The following IRF2 variants were observed in gnomAD, a reference collection of about 807,000 sequenced individuals.
IRF2 encodes the protein interferon regulatory factor 2.
A neutral mutation model predicts 40.6 loss-of-function variants in IRF2; 15 were observed. That is an observed-to-expected ratio of 0.37 (90% CI 0.25 to 0.57). IRF2 has a LOEUF of 0.57. Among genes scored for constraint, IRF2 ranks in the 20% least tolerant of loss-of-function variants. The pLI is 0.77. For missense variants in IRF2, 317 were observed against 455.7 expected (o/e 0.70, Z 2.77); for synonymous variants, 151 against 165.5 (o/e 0.91, Z 0.67).
At chr4:184,462,723 A>C (rs1739188793) in intron 1 of IRF2, among the ~76,000 whole-genome samples, 1 of 152,228 alleles carries the variant, frequency 6.6e-6, no homozygotes, top group Non-Finnish European at 1.5e-5. Flanking sequence ...AAAACCGAAC[A>C]ATTTTTCACC....
intron 6 of IRF2, among the ~76,000 whole-genome samples, chr4:184,399,345 A>C (rs2149893311): frequency 6.6e-6 from 1 of 152,324 alleles, no homozygotes; most frequent in Non-Finnish European, 1.5e-5. Flanking sequence ...TTTCCAGCTC[A>C]GCAGAATTCC....
chr4:184,440,025 G>C (rs962007508), intron 1 of IRF2, among the ~76,000 whole-genome samples: 1 of 152,178 alleles, frequency 6.6e-6, no homozygotes, highest in South Asian at 2.1e-4. Flanking sequence ...TTCTGAGAAA[G>C]GTCCCCACAA....
At chr4:184,424,478 G>C (rs1737597649) in intron 2 of IRF2, among the ~76,000 whole-genome samples, 1 of 151,738 alleles carries the variant, frequency 6.6e-6, no homozygotes, top group African/African-American at 2.4e-5. Context: ...ATCCATTCAG[G>C]GATTAATGGA....
At chr4:184,401,493 G>T (rs1258179869) in intron 6 of IRF2, among the ~76,000 whole-genome samples, 2 of 152,114 alleles carry the variant, frequency 1.3e-5, no homozygotes, top group Non-Finnish European at 2.9e-5. Context: ...AGGCAGGCAG[G>T]CTATATATGG....
chr4:184,472,913 CAAG>C (rs754067109), intron 1 of IRF2, among the ~76,000 whole-genome samples: 132 of 152,336 alleles, frequency 8.7e-4, no homozygotes, highest in African/African-American at 2.2e-3. Flanking sequence ...TCTTAGGGAA[CAAG>C]GAGGAGAGGG....
intron 2 of IRF2, among the ~76,000 whole-genome samples, chr4:184,428,266 C>T (rs532166362): frequency 6.6e-6 from 1 of 152,134 alleles, no homozygotes; most frequent in South Asian, 2.1e-4. Flanking sequence ...AAACAGAGAA[C>T]ATGGAAAAGG....
At chr4:184,434,397 C>G (rs754795039) in intron 1 of IRF2, among the ~76,000 whole-genome samples, 11 of 152,120 alleles carry the variant, frequency 7.2e-5, no homozygotes, top group Non-Finnish European at 1.6e-4. Flanking sequence ...TACGATGAAT[C>G]ATAATCTGAT....
At chr4:184,425,984 TTG>T (rs1579843637) in intron 2 of IRF2, among the ~76,000 whole-genome samples, 23 of 50,092 alleles carry the variant, frequency 4.6e-4, no homozygotes, top group East Asian at 3.6e-3. Flanking sequence ...CGGTTTTTGT[TTG>T]TTTGTTTGTT....
At chr4:184,462,159 T>C (rs1240938922) in intron 1 of IRF2, among the ~76,000 whole-genome samples, 1 of 152,186 alleles carries the variant, frequency 6.6e-6, no homozygotes, top group Admixed American at 6.5e-5. Flanking sequence ...CAGTTGCAAA[T>C]CCCCAAACCT....
At chr4:184,430,614 C>T (rs1354757321) in intron 1 of IRF2, among the ~76,000 whole-genome samples, 3 of 152,152 alleles carry the variant, frequency 2.0e-5, no homozygotes, top group Non-Finnish European at 4.4e-5. Flanking sequence ...TCATCTTATC[C>T]CTTGCCTTAC....
At chr4:184,398,666 A>AAAT (rs1561084643) in intron 7 of IRF2, among the ~76,000 whole-genome samples, 4 of 147,150 alleles carry the variant, frequency 2.7e-5, no homozygotes, top group South Asian at 2.2e-4. Flanking sequence ...AAAAAAAAAA[A>AAAT]AAATAAATAA....
intron 7 of IRF2, among the ~76,000 whole-genome samples, chr4:184,395,498 A>T (rs1020194077): frequency 6.6e-6 from 1 of 152,296 alleles, no homozygotes; most frequent in East Asian, 1.9e-4. Context: ...ATCATGAAAA[A>T]CAGGCAAATG....
At position 184,387,963 on chromosome 4, in the gene IRF2, T is replaced by A. The variant is rs1355222786; in HGVS notation, c.*795A>T. The A allele has an allele frequency of 6.6e-6, 1 of 152,634 alleles. No homozygotes were observed. The highest frequency in any genetic ancestry group is 6.5e-5 in the Admixed American group (1 of 15,284). The allele number at this position is 152,634 out of a possible 1,614,324, so 9.5% of individuals were successfully genotyped here. A position where few individuals can be genotyped will look rare whatever the true frequency, so the allele number is the denominator to read the frequency against. ...TTTTACCTTGAATAAAATATTCCCCTGTATAAAAAATAAAAAAGCTTGCTC... is the reference window on the plus strand; with the variant it reads ...TTTTACCTTGAATAAAATATTCCCCAGTATAAAAAATAAAAAAGCTTGCTC... On this transcript the variant is annotated 3_prime_UTR_variant, in exon 9 of 9. Coordinates refer to ENST00000393593, the MANE Select transcript of IRF2 (RefSeq NM_002199.4).
At chr4:184,400,108 TA>T (rs954258302) in intron 6 of IRF2, among the ~76,000 whole-genome samples, 3 of 152,198 alleles carry the variant, frequency 2.0e-5, no homozygotes, top group Admixed American at 6.5e-5. Flanking sequence ...TTATCACACA[TA>T]AAGGTTCATG....
At chr4:184,445,027 A>G (rs1368479581) in intron 1 of IRF2, among the ~76,000 whole-genome samples, 1 of 152,210 alleles carries the variant, frequency 6.6e-6, no homozygotes, top group Admixed American at 6.5e-5. Context: ...TGGCTTCCCC[A>G]TGAGTCCCCA....
chr4:184,391,105 C>T (rs573260143), intron 7 of IRF2, among the ~76,000 whole-genome samples: 18 of 152,358 alleles, frequency 1.2e-4, no homozygotes, highest in African/African-American at 4.3e-4. Flanking sequence ...CATTTAATTC[C>T]CAGTGCAGAG....
chr4:184,408,229 T>G lies in IRF2; in HGVS notation c.458A>C (p.Asp153Ala), dbSNP rs752688730. The G allele has an allele frequency of 8.1e-6, 13 of 1,613,118 alleles. No homozygotes were observed. In the Admixed American group the frequency reaches 2.2e-4, roughly 27 times the overall value. The change falls in exon 6 of 9, where the codon GAT becomes GCT. Residue 153 changes from aspartate to alanine, a missense_variant. Asp to Ala is a moderately radical substitution (Grantham distance 126, BLOSUM62 -2). Coordinates refer to ENST00000393593, the MANE Select transcript of IRF2 (RefSeq NM_002199.4). This position sits in a 1 kb window ranked among gnomAD's most constrained non-coding sequence, Gnocchi z 4.9. ...SSLGLSNGVS[D>A]LSPEYAVLTS... Reference sequence around the variant, plus strand: ...CAGGACCGCATACTCAGGAGAAAGATCACTTACTCCATTACTAAGCCCCAG... The same window carrying G: ...CAGGACCGCATACTCAGGAGAAAGAGCACTTACTCCATTACTAAGCCCCAG...
intron 2 of IRF2, among the ~76,000 whole-genome samples, chr4:184,420,325 C>A (rs1165200242): frequency 6.6e-6 from 1 of 152,188 alleles, no homozygotes; most frequent in East Asian, 1.9e-4. Context: ...CTTGATGCTA[C>A]TAAAGAAAAG....
chr4:184,450,836 ATTTGTTTG>A (rs901321917), intron 1 of IRF2, among the ~76,000 whole-genome samples: 1 of 152,042 alleles, frequency 6.6e-6, no homozygotes, highest in Non-Finnish European at 1.5e-5. Flanking sequence ...GTTAAATGGC[ATTTGTTTG>A]TTTGTTTGTT....
Sources: allele counts gnomAD v4.1 joint callset (sites outside exome capture counted in the v4.1 genomes callset), GRCh38; gene constraint gnomAD v4.1.1; non-coding constraint Gnocchi (gnomAD v3.1); transcripts MANE v1.5; gene names NCBI Gene and HGNC (gene_info 2026-07-23, HGNC 2026-07-21).